The following ATRNL1 variants were observed in gnomAD, a reference collection of about 807,000 sequenced individuals.
ATRNL1 encodes attractin like 1, also known as attractin-like protein 1.
Under a neutral mutation model 182.7 loss-of-function variants are expected in ATRNL1, and 95 were observed. The observed-to-expected ratio is 0.52, with a 90% CI of 0.44 to 0.62. ATRNL1 has a LOEUF of 0.62. ATRNL1 is among the 20% of genes least tolerant of loss of function. ATRNL1 has a pLI of 0.00. For synonymous variants in ATRNL1, 576 were observed against 568.3 expected, an observed-to-expected ratio of 1.01 and a Z score of -0.19; for missense variants, 1,471 against 1,679.5, an observed-to-expected ratio of 0.88 and a Z score of 2.17.
intron 25 of ATRNL1, among the ~76,000 whole-genome samples, chr10:115,527,663 CTT>C (rs1341981093): frequency 2.0e-5 from 3 of 151,630 alleles, no homozygotes; most frequent in African/African-American, 4.9e-5. Flanking sequence ...AAGTTGTACT[CTT>C]TGTTTCATTT....
intron 9 of ATRNL1, among the ~76,000 whole-genome samples, chr10:115,225,744 A>T (rs1554898542): frequency 1.3e-5 from 2 of 151,358 alleles, no homozygotes; most frequent in Admixed American, 1.3e-4. Flanking sequence ...CTCAGACCAA[A>T]TTATGACAAT....
At chr10:115,321,258 G>T (rs1172521632) in intron 18 of ATRNL1, among the ~76,000 whole-genome samples, 1 of 152,052 alleles carries the variant, frequency 6.6e-6, no homozygotes, top group Non-Finnish European at 1.5e-5. Flanking sequence ...AGTACAGTTG[G>T]GTGCCTGCGC....
chr10:115,649,892 A>C (rs183977073), intron 26 of ATRNL1, among the ~76,000 whole-genome samples: 1 of 152,246 alleles, frequency 6.6e-6, no homozygotes, highest in Admixed American at 6.5e-5. Context: ...AGCTGAATAG[A>C]TAGTCCAATA....
intron 26 of ATRNL1, among the ~76,000 whole-genome samples, chr10:115,589,173 G>A (rs782027849): frequency 3.3e-5 from 5 of 152,148 alleles, no homozygotes; most frequent in South Asian, 2.1e-4. Context: ...TGACTATAAC[G>A]TATTCAGATA....
chr10:115,587,067 G>T (rs1329471242), intron 26 of ATRNL1, among the ~76,000 whole-genome samples: 3 of 149,664 alleles, frequency 2.0e-5, no homozygotes, highest in Admixed American at 6.7e-5. Context: ...AGGCTGCTCG[G>T]GGGTCAGGGG....
chr10:115,584,111 A>AT (rs1555008920), intron 26 of ATRNL1, among the ~76,000 whole-genome samples: 1 of 151,458 alleles, frequency 6.6e-6, no homozygotes, highest in African/African-American at 2.4e-5. Context: ...CCACTCGATC[A>AT]TGGTGGATAA....
At chr10:115,536,685 A>G (rs1852037159) in intron 25 of ATRNL1, among the ~76,000 whole-genome samples, 1 of 152,194 alleles carries the variant, frequency 6.6e-6, no homozygotes, top group South Asian at 2.1e-4. Flanking sequence ...GAAATGCAGA[A>G]ATCACCCGTC....
chr10:115,481,118 T>G (rs1554974102), intron 24 of ATRNL1, among the ~76,000 whole-genome samples: 1 of 150,672 alleles, frequency 6.6e-6, no homozygotes, highest in Admixed American at 6.6e-5. Flanking sequence ...CATAGATATT[T>G]TTAGATGGTT....
chr10:115,619,776 A>C (rs1329459412), intron 26 of ATRNL1, among the ~76,000 whole-genome samples: 1 of 152,138 alleles, frequency 6.6e-6, no homozygotes, highest in East Asian at 1.9e-4. Flanking sequence ...AGTTTCTCTG[A>C]TTTGTATTTA....
At chr10:115,587,053 A>G (rs1437880893) in intron 26 of ATRNL1, among the ~76,000 whole-genome samples, 1 of 149,670 alleles carries the variant, frequency 6.7e-6, no homozygotes, top group Non-Finnish European at 1.5e-5. Context: ...GGTGCCTCCC[A>G]GTTAGGCTGC....
chr10:115,486,170 A>C (rs1182833393), intron 24 of ATRNL1, among the ~76,000 whole-genome samples: 2 of 152,106 alleles, frequency 1.3e-5, no homozygotes, highest in Non-Finnish European at 2.9e-5. Context: ...GTTGGTTCCA[A>C]GTCTTTGCTA....
chr10:115,756,632 T>C (rs1448499040), intron 27 of ATRNL1, among the ~76,000 whole-genome samples: 1 of 152,188 alleles, frequency 6.6e-6, no homozygotes, highest in Non-Finnish European at 1.5e-5. Context: ...GAAAAATGTA[T>C]ATTCTGTTGA....
chr10:115,135,072 C>T (rs1366598395), intron 5 of ATRNL1, among the ~76,000 whole-genome samples: 2 of 152,006 alleles, frequency 1.3e-5, no homozygotes, highest in Non-Finnish European at 2.9e-5. Context: ...AACCCACAGC[C>T]AATATCATAC....
At chr10:115,692,281 A>G (rs1946418749) in intron 26 of ATRNL1, among the ~76,000 whole-genome samples, 1 of 152,192 alleles carries the variant, frequency 6.6e-6, no homozygotes. Context: ...TTGAGGATCT[A>G]ATTGCAGACA....
chr10:115,160,273 CT>C (rs1240378346), intron 6 of ATRNL1, 59 bp downstream of exon 6: 10,836 of 1,244,270 alleles, frequency 8.7e-3, no homozygotes, highest in South Asian at 0.012. Context: ...TCCAAAATGT[CT>C]TTTTTTTTTA....
At chr10:115,259,377 C>T (rs1325585673) in intron 10 of ATRNL1, among the ~76,000 whole-genome samples, 1 of 149,084 alleles carries the variant, frequency 6.7e-6, no homozygotes, top group Non-Finnish European at 1.5e-5. Context: ...TCTCAGACTG[C>T]CGTGCTAGCA....
intron 10 of ATRNL1, among the ~76,000 whole-genome samples, chr10:115,256,701 G>C (rs1268120958): frequency 6.6e-6 from 1 of 152,088 alleles, no homozygotes; most frequent in Non-Finnish European, 1.5e-5. Flanking sequence ...GTTTGCTCTT[G>C]CTTCTCTAGT....
At chr10:115,587,124 G>A (rs1420165536) in intron 26 of ATRNL1, among the ~76,000 whole-genome samples, 4 of 148,820 alleles carry the variant, frequency 2.7e-5, no homozygotes, top group South Asian at 2.2e-4. Flanking sequence ...CAGATCTCCA[G>A]CTGCGTACTG....
intron 26 of ATRNL1, among the ~76,000 whole-genome samples, chr10:115,673,832 T>C (rs372335351): frequency 1.6e-4 from 25 of 152,086 alleles, no homozygotes; most frequent in African/African-American, 5.8e-4. Context: ...AATTCATGTG[T>C]GTTCCTTCCA....
Sources: gnomAD v4.1 joint callset for allele counts (sites outside exome capture counted in the v4.1 genomes callset) on GRCh38, gnomAD v4.1.1 for gene constraint, MANE v1.5 for transcripts, NCBI Gene and HGNC (gene_info 2026-07-23, HGNC 2026-07-21) for gene names.